TAFA2: variants seen among roughly 807,000 people sequenced by gnomAD.
The protein encoded by TAFA2 is TAFA chemokine like family member 2, also known as chemokine-like protein TAFA-2.
In TAFA2, 7 loss-of-function variants were observed where a neutral mutation model predicts 18.8. That is an observed-to-expected ratio of 0.37 (90% CI 0.21 to 0.70). The LOEUF (loss-of-function observed/expected upper bound fraction) is 0.70, where lower values mean the gene tolerates loss of function less well. Ranked by LOEUF, TAFA2 falls within the 30% of genes least tolerant of loss-of-function variation. The pLI, the probability that TAFA2 is intolerant of heterozygous loss-of-function variation, is 0.53. For missense variants in TAFA2, 122 were observed against 158.1 expected, an observed-to-expected ratio of 0.77 and a Z score of 1.23; for synonymous variants, 60 against 54.2, an observed-to-expected ratio of 1.11 and a Z score of -0.47.
chr12:62,214,404 C>G (rs1282867185), intron 1 of TAFA2, among the ~76,000 whole-genome samples: 4 of 152,120 alleles, frequency 2.6e-5, no homozygotes, highest in Non-Finnish European at 5.9e-5. Flanking sequence ...GTGACTTGCT[C>G]CTCCTTCCTT....
intron 2 of TAFA2, among the ~76,000 whole-genome samples, chr12:61,856,793 A>C (rs1010453789): frequency 1.3e-5 from 2 of 151,900 alleles, no homozygotes; most frequent in African/African-American, 4.8e-5. Flanking sequence ...GTAAATAAAC[A>C]GATATGGGGA....
Position 61,744,144 on chromosome 12 carries a change from A to G in TAFA2, c.384+9478T>C, listed in dbSNP as rs1375048441. On this transcript the variant is annotated intron_variant, in intron 4 of 4. Coordinates refer to ENST00000416284, the MANE Select transcript of TAFA2 (RefSeq NM_178539.5). ...CAGCCCTCAGGTAAGAGACAGAAAT[A>G]TTGCTCTCGCCACTTAGTTCATAGA... 2.0e-5 allele frequency among the ~76,000 whole-genome samples: 3 copies of G among 152,112 alleles called. No homozygotes were observed. In the East Asian group the frequency reaches 5.8e-4, roughly 29 times the overall value.
At chr12:62,148,621 A>C (rs1176888205) in intron 1 of TAFA2, among the ~76,000 whole-genome samples, 2 of 152,238 alleles carry the variant, frequency 1.3e-5, no homozygotes, top group Admixed American at 6.5e-5. Context: ...CAACAGGAAC[A>C]TTAGAAGCCC....
In TAFA2 at chr12:61,989,379, C is replaced by G. The variant is rs537334026; in HGVS notation, c.-1-121953G>C. On this transcript the variant is annotated intron_variant, in intron 1 of 4. Coordinates refer to ENST00000416284, the MANE Select transcript of TAFA2 (RefSeq NM_178539.5). ...GACATATTGAAAAGCTGGTCCCCCCCACTTACTCCCCCAACCCTAAAAGAG... is the reference window on the plus strand; with the variant it reads ...GACATATTGAAAAGCTGGTCCCCCCGACTTACTCCCCCAACCCTAAAAGAG... Among the ~76,000 whole-genome samples the G allele has an allele frequency of 7.3e-5, 11 of 151,486 alleles. No homozygotes were observed. The South Asian group carries it at 1.7e-3, about 23-fold the overall frequency.
At chr12:62,031,693 G>T (rs1443267508) in intron 1 of TAFA2, among the ~76,000 whole-genome samples, 2 of 152,078 alleles carry the variant, frequency 1.3e-5, no homozygotes, top group Non-Finnish European at 2.9e-5. Flanking sequence ...AGAACTTGGG[G>T]ATCACAATTA....
At chr12:61,880,161 G>T in intron 1 of TAFA2, 2 of 559,572 alleles carry the variant, frequency 3.6e-6, no homozygotes, top group South Asian at 3.4e-5. Context: ...AAGGCTGACA[G>T]CATGTACCAG....
At chr12:62,092,868 G>C (rs1160537224) in intron 1 of TAFA2, among the ~76,000 whole-genome samples, 1 of 151,820 alleles carries the variant, frequency 6.6e-6, no homozygotes, top group African/African-American at 2.4e-5. Flanking sequence ...CAGAGATATG[G>C]GCCCTGCAAA....
intron 1 of TAFA2, among the ~76,000 whole-genome samples, chr12:62,008,380 A>G (rs1004069712): frequency 6.6e-6 from 1 of 152,152 alleles, no homozygotes; most frequent in African/African-American, 2.4e-5. Context: ...TAGTTTCTAT[A>G]CTTTTTAAAA....
At chr12:61,845,330 CT>C (rs1873358387) in intron 2 of TAFA2, among the ~76,000 whole-genome samples, 1 of 152,000 alleles carries the variant, frequency 6.6e-6, no homozygotes, top group African/African-American at 2.4e-5. Context: ...TTTTAATTTA[CT>C]CAATCAGAGA....
chr12:62,134,089 C>T (rs1870798034), intron 1 of TAFA2, among the ~76,000 whole-genome samples: 1 of 151,876 alleles, frequency 6.6e-6, no homozygotes, highest in East Asian at 1.9e-4. Flanking sequence ...TTAGGACACT[C>T]TTTCTCTTCC....
chr12:61,962,475 GC>G (rs1878920033), intron 1 of TAFA2, among the ~76,000 whole-genome samples: 1 of 151,842 alleles, frequency 6.6e-6, no homozygotes, highest in African/African-American at 2.4e-5. Context: ...TTTTGCTTAA[GC>G]TTTTGTCATT....
intron 1 of TAFA2, among the ~76,000 whole-genome samples, chr12:61,963,128 A>G (rs1330452258): frequency 6.6e-6 from 1 of 151,844 alleles, no homozygotes; most frequent in Non-Finnish European, 1.5e-5. Context: ...TCTATCATTG[A>G]TGGTCATTTG....
At chr12:61,822,313 C>T (rs1239617540) in intron 2 of TAFA2, among the ~76,000 whole-genome samples, 3 of 152,110 alleles carry the variant, frequency 2.0e-5, no homozygotes, top group Non-Finnish European at 4.4e-5. Context: ...TTTTGACACT[C>T]ATCAATGCAT....
intron 2 of TAFA2, among the ~76,000 whole-genome samples, chr12:61,841,545 A>G (rs1388414959): frequency 1.3e-5 from 2 of 152,072 alleles, no homozygotes; most frequent in Non-Finnish European, 2.9e-5. Context: ...TGGTTACTAT[A>G]GCTTTGCAGT....
intron 1 of TAFA2, among the ~76,000 whole-genome samples, chr12:62,243,774 T>A (rs2062873074): frequency 6.6e-6 from 1 of 152,180 alleles, no homozygotes; most frequent in African/African-American, 2.4e-5. Context: ...TTATTCCTCT[T>A]CCAAGCTGTT....
chr12:62,258,736 A>G, intron 1 of TAFA2: 1 of 366,948 alleles, frequency 2.7e-6, no homozygotes, highest in Non-Finnish European at 5.5e-6. Flanking sequence ...CTTTGCAGCT[A>G]AAGGTTGAAG....
intron 4 of TAFA2, among the ~76,000 whole-genome samples, chr12:61,719,509 A>T (rs965388007): frequency 6.6e-6 from 1 of 152,120 alleles, no homozygotes; most frequent in African/African-American, 2.4e-5. Flanking sequence ...ATATGACTGC[A>T]TCCCCAACCA....
chr12:62,167,056 A>T (rs899577844), intron 1 of TAFA2, among the ~76,000 whole-genome samples: 10 of 152,178 alleles, frequency 6.6e-5, no homozygotes, highest in African/African-American at 2.4e-4. Flanking sequence ...TGATCTCCGA[A>T]AACACTAAGT....
At position 61,893,444 on chromosome 12, in the gene TAFA2, T is replaced by C. The variant is rs188995234; in HGVS notation, c.-1-26018A>G. 1.9e-4 allele frequency among the ~76,000 whole-genome samples: 29 copies of C among 152,234 alleles called. 1 individual carries two copies. The Middle Eastern group carries it at 0.024, about 125-fold the overall frequency. The stretch of plus-strand genomic sequence containing the variant: ...TAGCAGCTATGGGAGCACGTAGGGT[T>C]GGGGAGATACAGGACGATGTGTGTG... On this transcript the variant is annotated intron_variant, in intron 1 of 4. Coordinates refer to ENST00000416284, the MANE Select transcript of TAFA2 (RefSeq NM_178539.5).
Sources: gnomAD v4.1 joint callset for allele counts (sites outside exome capture counted in the v4.1 genomes callset) on GRCh38, gnomAD v4.1.1 for gene constraint, MANE v1.5 for transcripts, NCBI Gene and HGNC (gene_info 2026-07-23, HGNC 2026-07-21) for gene names.